Variants in PGR observed in about 807,000 individuals in gnomAD.
PGR encodes the protein progesterone receptor, also known as nuclear receptor subfamily 3 group C member 3.
PGR carries 25 observed loss-of-function variants against 76.1 expected under a neutral mutation model. The observed-to-expected ratio is 0.33, with a 90% CI of 0.24 to 0.46. PGR has a LOEUF of 0.46. Ranked by LOEUF, PGR falls within the 20% of genes least tolerant of loss-of-function variation. PGR has a pLI of 1.00. For synonymous variants in PGR, 579 were observed against 535.0 expected (o/e 1.08, Z -1.14); for missense variants, 1,172 against 1,225.3 (o/e 0.96, Z 0.65).
At chr11:101,100,485 T>C (rs1861963675) in intron 2 of PGR, among the ~76,000 whole-genome samples, 2 of 152,114 alleles carry the variant, frequency 1.3e-5, no homozygotes, top group South Asian at 2.1e-4. Context: ...TGGAATGAGA[T>C]TGTTCTTCTG....
intron 3 of PGR, among the ~76,000 whole-genome samples, chr11:101,072,568 A>C (rs915886911): frequency 1.3e-5 from 2 of 152,188 alleles, no homozygotes; most frequent in African/African-American, 4.8e-5. Context: ...TTGGTGTGCT[A>C]TATTCAGGAG....
At chr11:101,085,097 T>C (rs1056043866) in intron 3 of PGR, among the ~76,000 whole-genome samples, 1 of 152,084 alleles carries the variant, frequency 6.6e-6, no homozygotes, top group Non-Finnish European at 1.5e-5. Context: ...CTAATAAACA[T>C]CTACAGAATA....
chr11:101,084,230 G>C (rs562252132), intron 3 of PGR, among the ~76,000 whole-genome samples: 1 of 152,108 alleles, frequency 6.6e-6, no homozygotes, highest in Non-Finnish European at 1.5e-5. Context: ...GTTTCCTGAC[G>C]TTGCCTAGCT....
intron 2 of PGR, among the ~76,000 whole-genome samples, chr11:101,118,732 G>GA (rs1344034946): frequency 6.6e-6 from 1 of 152,166 alleles, no homozygotes; most frequent in East Asian, 1.9e-4. Flanking sequence ...CATCAGAGGA[G>GA]AAAAAAATGT....
chr11:101,083,618 G>A (rs1455511539), intron 3 of PGR, among the ~76,000 whole-genome samples: 1 of 152,218 alleles, frequency 6.6e-6, no homozygotes, highest in African/African-American at 2.4e-5. Flanking sequence ...CTGGATGTGA[G>A]GCATGGAGAC....
chr11:101,128,520 A>C lies in PGR; in HGVS notation c.551T>G (p.Val184Gly). ...DSSGTAAAHKVLPRGLSPARQ... is the reference protein window; with the variant it reads ...DSSGTAAAHKGLPRGLSPARQ... ...GGCTGGTGACAGGCCCCGGGGCAGCACTTTATGGGCAGCTGCCGTCCCGGA... is the reference window on the plus strand; with the variant it reads ...GGCTGGTGACAGGCCCCGGGGCAGCCCTTTATGGGCAGCTGCCGTCCCGGA... Residue 184 changes from valine to glycine, a missense_variant, in exon 1 of 8, where the codon GTG (valine) becomes GGG (glycine). By Grantham distance (109) the Val-to-Gly change is moderately radical (BLOSUM62 -3). Coordinates refer to ENST00000325455, the MANE Select transcript of PGR (RefSeq NM_000926.4). 6.2e-7 allele frequency: 1 copy of C among 1,602,316 alleles called. No homozygotes were observed. The highest frequency in any genetic ancestry group is 8.5e-7 in the Non-Finnish European group (1 of 1,177,648).
At position 101,128,396 on chromosome 11, in the gene PGR, ATCC is replaced by A. The variant is rs1303724293; in HGVS notation, c.672_674del (p.Glu224del). On this transcript the variant is annotated inframe_deletion, in exon 1 of 8. Transcript: ENST00000325455. ...CCGCAGACTCCTCGGACTCAGAGCC[ATCC>A]TCCTCCTCAACCTCCACCGCAGCGG... 16 of 1,610,066 alleles carry A rather than the reference ATCC, an allele frequency of 9.9e-6. No individual in the cohort carries two copies. Among genetic ancestry groups the A allele is most frequent in the African/African-American group, 4.0e-5 (3 of 74,910 alleles).
rs1859534030 is a variant in PGR, at chr11:101,036,889, G to T, written c.*2227C>A. The T allele has an allele frequency of 5.1e-6, 1 of 195,726 alleles. No individual in the cohort carries two copies. The highest frequency in any genetic ancestry group is 2.3e-5 in the African/African-American group (1 of 43,412). The allele number at this position is 195,726 out of a possible 1,614,324, so 12.1% of individuals were successfully genotyped here. Reference sequence around the variant, plus strand: ...GTTTAATTCAAAGTAACAAGAATCAGATAATAAAATGATCACAACATCAAC... The same window carrying T: ...GTTTAATTCAAAGTAACAAGAATCATATAATAAAATGATCACAACATCAAC... On this transcript the variant is annotated 3_prime_UTR_variant, in exon 8 of 8. Coordinates refer to ENST00000325455, the MANE Select transcript of PGR (RefSeq NM_000926.4).
chr11:101,088,621 C>T (rs544974763), intron 3 of PGR, among the ~76,000 whole-genome samples: 5 of 152,174 alleles, frequency 3.3e-5, no homozygotes, highest in Non-Finnish European at 2.9e-5. Flanking sequence ...CATGAGCCAC[C>T]GCTCCCGGCC....
Position 101,029,988 on chromosome 11 carries a change from C to A in PGR, c.*9128G>T, listed in dbSNP as rs575926976. 8.9e-6 allele frequency: 2 copies of A among 223,766 alleles called. No homozygotes were observed. Among genetic ancestry groups the A allele is most frequent in the African/African-American group, 4.5e-5 (2 of 44,916 alleles). 13.9% of individuals were successfully genotyped at this position (223,766 alleles called of 1,614,324 possible). ...TGAAAGGACAGTTTCACCTTCTTGG[C>A]AAAAACCTTCAGAACAATTGTCAAC... is the stretch of plus-strand genomic sequence containing the variant. On this transcript the variant is annotated 3_prime_UTR_variant, in exon 8 of 8. Coordinates refer to ENST00000325455, the MANE Select transcript of PGR (RefSeq NM_000926.4).
intron 2 of PGR, 29 bp downstream of exon 2, chr11:101,125,978 T>A (rs767476936): frequency 1.2e-6 from 2 of 1,602,240 alleles, no homozygotes; most frequent in Admixed American, 1.7e-5. Flanking sequence ...ATTAAACCAA[T>A]AATAAAGGAT....
In PGR at chr11:101,076,832, T is replaced by A. The variant is rs947854711; in HGVS notation, c.1907-14080A>T. Among the ~76,000 whole-genome samples the A allele has an allele frequency of 2.6e-5, 4 of 151,546 alleles. No individual in the cohort carries two copies. The East Asian group carries it at 5.8e-4, about 22-fold the overall frequency. ...GGTAAAATAGGGCAGGCATAATTAT[T>A]TAATTCTGATAAAAGAAGAATACAG... On this transcript the variant is annotated intron_variant, in intron 3 of 7. Coordinates refer to ENST00000325455, the MANE Select transcript of PGR (RefSeq NM_000926.4).
In PGR at chr11:101,035,572, T is replaced by C; in HGVS notation, c.*3544A>G. The C allele has an allele frequency of 4.3e-6, 1 of 232,160 alleles. No individual in the cohort carries two copies. The highest frequency in any genetic ancestry group is 8.5e-6 in the Non-Finnish European group (1 of 117,408). 14.4% of individuals were successfully genotyped at this position (232,160 alleles called of 1,614,324 possible). A position where few individuals can be genotyped will look rare whatever the true frequency, so the allele number is the denominator to read the frequency against. On this transcript the variant is annotated 3_prime_UTR_variant, in exon 8 of 8. Transcript: ENST00000325455. ...TGTGGAATTGCTGCCATAGTAAAAA[T>C]AATTTGAGCATGGGTTTTTGGAGGG...
intron 2 of PGR, among the ~76,000 whole-genome samples, chr11:101,103,205 G>A (rs746430029): frequency 5.9e-5 from 9 of 152,052 alleles, no homozygotes; most frequent in Non-Finnish European, 4.4e-5. Context: ...CCCACAAATC[G>A]TAGGCTTGTT....
At chr11:101,066,246 G>A (rs1028483393) in intron 3 of PGR, among the ~76,000 whole-genome samples, 4 of 152,150 alleles carry the variant, frequency 2.6e-5, no homozygotes, top group African/African-American at 9.7e-5. Flanking sequence ...ATTTCTAAAT[G>A]TCAAAAAACA....
rs537913524 is a variant in PGR at position 101,103,735 on chromosome 11, T to C, written c.1790-11859A>G. On this transcript the variant is annotated intron_variant, in intron 2 of 7. Coordinates refer to ENST00000325455, the MANE Select transcript of PGR (RefSeq NM_000926.4). ...TTTATTAATCCTACTTAAATGCATA[T>C]AGGGTGTTTTTCCTTCTCATGAAAA... Among the ~76,000 whole-genome samples, 25 of 152,326 alleles carry C rather than the reference T, an allele frequency of 1.6e-4. No homozygotes were observed. The South Asian group carries it at 4.3e-3, about 26-fold the overall frequency.
intron 3 of PGR, among the ~76,000 whole-genome samples, chr11:101,065,107 A>C (rs982657905): frequency 4.6e-5 from 7 of 152,188 alleles, no homozygotes; most frequent in Non-Finnish European, 8.8e-5. Context: ...CTCTTAAATG[A>C]CGCATGACTG....
chr11:101,063,329 T>A (rs1222450175), intron 3 of PGR: 1 of 152,410 alleles, frequency 6.6e-6, no homozygotes, highest in African/African-American at 2.4e-5. Context: ...TTTTATGAGA[T>A]CTAAGACTCA....
At chr11:101,052,444 C>A (rs537706839) in intron 4 of PGR, among the ~76,000 whole-genome samples, 4 of 152,046 alleles carry the variant, frequency 2.6e-5, no homozygotes, top group Admixed American at 2.6e-4. Context: ...ACAAGTCTCT[C>A]CATGTCTTCC....
Sources: allele counts gnomAD v4.1 joint callset (sites outside exome capture counted in the v4.1 genomes callset), GRCh38; gene constraint gnomAD v4.1.1; transcripts MANE v1.5; gene names NCBI Gene and HGNC (gene_info 2026-07-23, HGNC 2026-07-21).